The following ERICH3 variants were observed in gnomAD, a reference collection of about 807,000 sequenced individuals.
ERICH3 encodes the protein glutamate rich 3.
ERICH3 carries 126 observed loss-of-function variants against 131.1 expected under a neutral mutation model. The observed-to-expected ratio is 0.96, with a 90% CI of 0.83 to 1.11. ERICH3 has a LOEUF of 1.11. Among genes scored for constraint, ERICH3 ranks in the 50% most tolerant of loss-of-function variants. The pLI, the probability that ERICH3 is intolerant of heterozygous loss-of-function variation, is 0.00. For missense variants in ERICH3, 2,050 were observed against 1,810.7 expected (o/e 1.13, Z -2.40); for synonymous variants, 695 against 644.6 (o/e 1.08, Z -1.18).
intron 3 of ERICH3, among the ~76,000 whole-genome samples, chr1:74,645,603 C>T (rs916915669): frequency 1.3e-5 from 2 of 151,638 alleles, no homozygotes; most frequent in South Asian, 2.1e-4. Context: ...GAACTCAGTG[C>T]CTATTGAGTA....
chr1:74,671,228 T>C (rs1194622006), intron 1 of ERICH3, among the ~76,000 whole-genome samples: 1 of 92,788 alleles, frequency 1.1e-5, no homozygotes, highest in Admixed American at 1.1e-4. Context: ...GTGATCTTTG[T>C]TGGACCTTTA....
chr1:74,659,909 C>CAG (rs1304598683), intron 1 of ERICH3, among the ~76,000 whole-genome samples: 2 of 152,038 alleles, frequency 1.3e-5, no homozygotes, highest in Non-Finnish European at 2.9e-5. Context: ...CACAAAGTCC[C>CAG]AGAGAGAGAG....
chr1:74,590,284 T>C (rs1051015182), intron 11 of ERICH3, among the ~76,000 whole-genome samples: 7 of 152,188 alleles, frequency 4.6e-5, no homozygotes, highest in Admixed American at 3.9e-4. Flanking sequence ...AACTTTTCCA[T>C]GGACTGGGGT....
At chr1:74,648,930 T>A (rs990773337) in intron 2 of ERICH3, among the ~76,000 whole-genome samples, 1 of 152,112 alleles carries the variant, frequency 6.6e-6, no homozygotes, top group Non-Finnish European at 1.5e-5. Context: ...TCATACAATG[T>A]GTTCAATAAA....
intron 12 of ERICH3, chr1:74,578,465 C>T (rs1647112283): frequency 6.6e-6 from 1 of 152,166 alleles, no homozygotes; most frequent in Middle Eastern, 3.2e-3. Context: ...CCATAAATAC[C>T]TGACATTACC....
chr1:74,664,769 T>C (rs1646673673), intron 1 of ERICH3, among the ~76,000 whole-genome samples: 1 of 152,148 alleles, frequency 6.6e-6, no homozygotes, highest in Non-Finnish European at 1.5e-5. Context: ...AAATGTTGAA[T>C]TTTCTGTTCC....
chr1:74,620,495 ATC>A (rs1366783255), intron 8 of ERICH3, among the ~76,000 whole-genome samples: 1 of 152,178 alleles, frequency 6.6e-6, no homozygotes, highest in African/African-American at 2.4e-5. Flanking sequence ...CCCAAAATTA[ATC>A]TGTTACCAGG....
At chr1:74,619,293 T>C (rs1466015643) in intron 8 of ERICH3, among the ~76,000 whole-genome samples, 3 of 152,212 alleles carry the variant, frequency 2.0e-5, no homozygotes, top group African/African-American at 7.2e-5. Context: ...TTTTCATTTG[T>C]ATCTATCACA....
chr1:74,588,493 G>A (rs911406257), intron 12 of ERICH3, among the ~76,000 whole-genome samples: 3 of 152,026 alleles, frequency 2.0e-5, no homozygotes, highest in African/African-American at 7.3e-5. Context: ...GACCCCAGTG[G>A]TTTAACAGTA....
At chr1:74,637,165 C>A (rs483164) in intron 5 of ERICH3, among the ~76,000 whole-genome samples, 3,820 of 152,214 alleles carry the variant, frequency 0.025, 115 homozygotes, top group African/African-American at 0.073. Flanking sequence ...CTCAGGACTG[C>A]AGCTGGAGTC....
chr1:74,620,904 C>A lies in ERICH3; in HGVS notation c.830G>T (p.Arg277Met), dbSNP rs758213012. The A allele has an allele frequency of 6.3e-7, 1 of 1,582,710 alleles. No individual in the cohort carries two copies. Among genetic ancestry groups the A allele is most frequent in the Non-Finnish European group, 8.6e-7 (1 of 1,166,082 alleles). The change falls in exon 8 of 15, where the codon AGG (arginine) becomes ATG (methionine). Residue 277 changes from arginine to methionine, a missense_variant. Arg to Met is a moderately conservative substitution (Grantham distance 91, BLOSUM62 -1). Transcript: ENST00000326665. ...LEPLLTKDSR[R>M]IHKTSLHSNA... ...ACTATGTAAGGATGTTTTATGAATC[C>A]TTCTTGAATCCTGAAATAAACAGAA...
At chr1:74,619,815 C>T (rs1167069500) in intron 8 of ERICH3, among the ~76,000 whole-genome samples, 1 of 152,130 alleles carries the variant, frequency 6.6e-6, no homozygotes, top group East Asian at 1.9e-4. Context: ...TAAGTTGAAA[C>T]TATCATTTAA....
intron 1 of ERICH3, among the ~76,000 whole-genome samples, chr1:74,665,357 C>T (rs2100658022): frequency 6.6e-6 from 1 of 152,254 alleles, no homozygotes; most frequent in African/African-American, 2.4e-5. Flanking sequence ...TCTATTTTAA[C>T]AGACCAAATT....
rs1648055397 is a variant in ERICH3, at chr1:74,600,046, GCTT to G, written c.1490-118_1490-116del. The G allele has an allele frequency of 1.1e-5, 8 of 729,712 alleles. No homozygotes were observed. In the East Asian group the frequency reaches 1.3e-4, roughly 12 times the overall value. The allele number at this position is 729,712 out of a possible 1,614,324, so 45.2% of individuals were successfully genotyped here. A position where few individuals can be genotyped will look rare whatever the true frequency, so the allele number is the denominator to read the frequency against. On this transcript the variant is annotated intron_variant, in intron 10 of 14. Transcript: ENST00000326665. ...TCCTCTCTTCTCTGAGCCTTTCTTTGCTTCTTCTTTTTCGTTCAATTAGTGAAC... is the reference window on the plus strand; with the variant it reads ...TCCTCTCTTCTCTGAGCCTTTCTTTGCTTCTTTTTCGTTCAATTAGTGAAC...
chr1:74,638,957 C>A (rs563199834), intron 5 of ERICH3, among the ~76,000 whole-genome samples: 6 of 152,116 alleles, frequency 3.9e-5, no homozygotes, highest in Admixed American at 1.3e-4. Flanking sequence ...GGAGGAGACC[C>A]TTTTGTTTAT....
intron 1 of ERICH3, among the ~76,000 whole-genome samples, chr1:74,649,840 A>T (rs1646517425): frequency 6.6e-6 from 1 of 152,070 alleles, no homozygotes; most frequent in African/African-American, 2.4e-5. Context: ...TGTGGTGTAT[A>T]AGCCTCTCTT....
At chr1:74,626,670 G>A (rs544023133) in intron 7 of ERICH3, among the ~76,000 whole-genome samples, 3 of 152,240 alleles carry the variant, frequency 2.0e-5, no homozygotes, top group East Asian at 3.9e-4. Flanking sequence ...TCCTGAGTGG[G>A]AACACAAAAG....
In ERICH3 at chr1:74,620,886, A is replaced by C. The variant is rs144299109; in HGVS notation, c.848T>G (p.Leu283Ter). Residue 283 changes from leucine (L) to a stop codon, truncating the protein, a stop_gained, in exon 8 of 15, where the codon TTA becomes TGA. Coordinates refer to ENST00000326665, the MANE Select transcript of ERICH3 (RefSeq NM_001002912.5). LOFTEE classifies it high-confidence loss of function. The stretch of plus-strand genomic sequence containing the variant: ...CATTGTAATAGCTGCATTACTATGT[A>C]AGGATGTTTTATGAATCCTTCTTGA... ...KDSRRIHKTS[L>*]HSNAAITMIY... 45 of 1,602,918 alleles carry C rather than the reference A, an allele frequency of 2.8e-5. No homozygotes were observed. The highest frequency in any genetic ancestry group is 1.7e-4 in the Middle Eastern group (1 of 6,036).
intron 7 of ERICH3, among the ~76,000 whole-genome samples, chr1:74,628,909 A>G (rs1183109694): frequency 6.6e-6 from 1 of 152,140 alleles, no homozygotes; most frequent in Non-Finnish European, 1.5e-5. Context: ...ATTATAGAGA[A>G]TGGATTTTCA....
Sources: gnomAD v4.1 joint callset for allele counts (sites outside exome capture counted in the v4.1 genomes callset) on GRCh38, gnomAD v4.1.1 for gene constraint, MANE v1.5 for transcripts, NCBI Gene and HGNC (gene_info 2026-07-23, HGNC 2026-07-21) for gene names.